Variants in FARP1 observed in about 807,000 individuals in gnomAD.
FARP1 encodes the protein FERM, ARH/RhoGEF and pleckstrin domain protein 1.
FARP1 carries 52 observed loss-of-function variants against 128.8 expected under a neutral mutation model. That is an observed-to-expected ratio of 0.40 (90% CI 0.32 to 0.51). The LOEUF (loss-of-function observed/expected upper bound fraction) is 0.51, where lower values mean the gene tolerates loss of function less well. Ranked by LOEUF, FARP1 falls within the 20% of genes least tolerant of loss-of-function variation. FARP1 has a pLI of 0.45. For missense variants in FARP1, 1,333 were observed against 1,367.9 expected, an observed-to-expected ratio of 0.97 and a Z score of 0.40; for synonymous variants, 580 against 551.8, an observed-to-expected ratio of 1.05 and a Z score of -0.72.
chr13:98,339,576 G>A (rs1887878113), intron 2 of FARP1, among the ~76,000 whole-genome samples: 1 of 152,066 alleles, frequency 6.6e-6, no homozygotes, highest in African/African-American at 2.4e-5. Context: ...TGTTACATAC[G>A]GAGTTTCCTT....
chr13:98,181,595 ATAT>A (rs1390498330), intron 1 of FARP1, among the ~76,000 whole-genome samples: 2 of 137,028 alleles, frequency 1.5e-5, no homozygotes, highest in East Asian at 2.3e-4. Flanking sequence ...TTTAGAAATA[ATAT>A]TATTTATTTA....
intron 24 of FARP1, among the ~76,000 whole-genome samples, chr13:98,443,658 C>T (rs1047185208): frequency 2.0e-4 from 31 of 152,330 alleles, no homozygotes; most frequent in Non-Finnish European, 2.8e-4. Flanking sequence ...GTGGGCAAGC[C>T]GGCAGGCCTG....
intron 1 of FARP1, chr13:98,177,013 G>A (rs1878115153): frequency 1.9e-6 from 3 of 1,596,536 alleles, no homozygotes; most frequent in African/African-American, 1.3e-5. Context: ...GCCGTGAGCC[G>A]CCTTCTGCCA....
rs1203460198 is a variant in FARP1 at position 98,143,104 on chromosome 13, C to T, written c.-412C>T. The T allele has an allele frequency of 2.0e-5, 3 of 147,790 alleles. No homozygotes were observed. The East Asian group carries it at 5.8e-4, about 29-fold the overall frequency. The allele number at this position is 147,790 out of a possible 1,614,324, so 9.2% of individuals were successfully genotyped here. On this transcript the variant is annotated 5_prime_UTR_variant, in exon 1 of 27. Transcript: ENST00000319562. ...GGGGCGGTGGCCACTGCACTTCCCGCTCGCCGGCCTCAGAGGCGGCGGGTC... is the reference window on the plus strand; with the variant it reads ...GGGGCGGTGGCCACTGCACTTCCCGTTCGCCGGCCTCAGAGGCGGCGGGTC...
intron 16 of FARP1, among the ~76,000 whole-genome samples, chr13:98,414,604 A>G (rs1891309083): frequency 6.6e-6 from 1 of 152,192 alleles, no homozygotes; most frequent in Non-Finnish European, 1.5e-5. Flanking sequence ...CAGCCCTGTT[A>G]TATCAGAGTC....
chr13:98,308,565 G>A (rs1208401730), intron 2 of FARP1, among the ~76,000 whole-genome samples: 1 of 152,174 alleles, frequency 6.6e-6, no homozygotes, highest in East Asian at 1.9e-4. Context: ...AGAGTGTGCT[G>A]GATTTGCCTG....
At chr13:98,429,722 C>T (rs3783008) in intron 17 of FARP1, among the ~76,000 whole-genome samples, 14,430 of 152,014 alleles carry the variant, frequency 0.095, 785 homozygotes, top group African/African-American at 0.15. Context: ...CAGCTTTTTC[C>T]GGGGCGTGGG....
In FARP1 at chr13:98,352,355, C is replaced by A. The variant is rs1291532516; in HGVS notation, c.276+8489C>A. 2.0e-5 allele frequency among the ~76,000 whole-genome samples: 3 copies of A among 152,178 alleles called. No individual in the cohort carries two copies. The East Asian group carries it at 5.8e-4, about 29-fold the overall frequency. On this transcript the variant is annotated intron_variant, in intron 3 of 26. Transcript: ENST00000319562. ...AGCAGCTGAAATGGGTAAGGCCTAA[C>A]AGGGCTGGAGCAGCTGTGCTCCAGT... is the stretch of plus-strand genomic sequence containing the variant.
rs1213039862 is a variant in FARP1 at position 98,378,977 on chromosome 13, CTA to C, written c.496+1066_496+1067del. 9.2e-5 allele frequency among the ~76,000 whole-genome samples: 5 copies of C among 54,250 alleles called. No individual in the cohort carries two copies. The South Asian group carries it at 2.4e-3, about 26-fold the overall frequency. The allele number at this position is 54,250 out of a possible 152,430, so 35.6% of individuals were successfully genotyped here. ...ATATATAATATATACAATATATAAT[CTA>C]TATATAATATATATATAATATATAC... On this transcript the variant is annotated intron_variant, in intron 6 of 26. Transcript: ENST00000319562.
intron 2 of FARP1, among the ~76,000 whole-genome samples, chr13:98,334,503 A>G (rs567478435): frequency 9.8e-5 from 15 of 152,294 alleles, no homozygotes; most frequent in African/African-American, 3.4e-4. Flanking sequence ...GCCTTTTGCT[A>G]GGTACTTTAT....
chr13:98,316,924 C>T (rs79247679), intron 2 of FARP1, among the ~76,000 whole-genome samples: 2 of 152,166 alleles, frequency 1.3e-5, no homozygotes, highest in African/African-American at 4.8e-5. Context: ...TTTGGTTACA[C>T]GTTCTCAGTA....
intron 1 of FARP1, among the ~76,000 whole-genome samples, chr13:98,212,022 A>AG (rs61598206): frequency 0.78 from 118,559 of 151,560 alleles, 46,604 homozygotes; most frequent in East Asian, 1. Context: ...AGAGGGGATA[A>AG]CACATGTGCT....
At chr13:98,209,938 C>T (rs1410663049) in intron 1 of FARP1, among the ~76,000 whole-genome samples, 40 of 150,252 alleles carry the variant, frequency 2.7e-4, no homozygotes, top group Non-Finnish European at 3.0e-4. Flanking sequence ...GCCGAGATTG[C>T]GCCACTGCAC....
intron 1 of FARP1, among the ~76,000 whole-genome samples, chr13:98,167,325 C>T (rs1429351467): frequency 6.6e-6 from 1 of 151,624 alleles, no homozygotes; most frequent in East Asian, 1.9e-4. Context: ...TTTGGCTTTG[C>T]ACTTTTTTAG....
intron 20 of FARP1, 85 bp downstream of exon 20, chr13:98,438,957 G>A: frequency 7.4e-6 from 11 of 1,496,550 alleles, no homozygotes; most frequent in East Asian, 2.3e-5. Flanking sequence ...GGCCACCCAA[G>A]TGAGGGACCT....
intron 2 of FARP1, among the ~76,000 whole-genome samples, chr13:98,229,126 A>G (rs1268916823): frequency 6.6e-6 from 1 of 152,242 alleles, no homozygotes; most frequent in African/African-American, 2.4e-5. Flanking sequence ...GAGAGCTGCC[A>G]AGACATAGCA....
chr13:98,384,934 A>C, intron 7 of FARP1, 90 bp downstream of exon 7: 2 of 771,272 alleles, frequency 2.6e-6, no homozygotes, highest in South Asian at 3.0e-5. Flanking sequence ...CCCCCCACAC[A>C]AACTATTGTG....
intron 2 of FARP1, among the ~76,000 whole-genome samples, chr13:98,296,091 G>A (rs1404890402): frequency 6.6e-6 from 1 of 152,154 alleles, no homozygotes; most frequent in East Asian, 1.9e-4. Context: ...GAGCTTTGGG[G>A]ATGAGACCCG....
intron 5 of FARP1, among the ~76,000 whole-genome samples, chr13:98,377,330 T>G (rs568086476): frequency 4.0e-5 from 6 of 150,668 alleles, no homozygotes; most frequent in African/African-American, 1.5e-4. Context: ...GAAAATGAAT[T>G]TTTACAAATC....
Sources: allele counts gnomAD v4.1 joint callset (sites outside exome capture counted in the v4.1 genomes callset), GRCh38; gene constraint gnomAD v4.1.1; transcripts MANE v1.5; gene names NCBI Gene and HGNC (gene_info 2026-07-23, HGNC 2026-07-21).